The following ZNF727 variants were observed in gnomAD, a reference collection of about 807,000 sequenced individuals.
ZNF727 encodes the protein putative zinc finger protein 727.
A neutral mutation model predicts 11.5 loss-of-function variants in ZNF727; 11 were observed. The ratio of observed to expected loss-of-function variants is 0.95; its 90% confidence interval spans 0.60 to 1.58. The LOEUF is 1.58. Among genes scored for constraint, ZNF727 ranks in the 40% most tolerant of loss-of-function variants. ZNF727 has a pLI of 0.00. For synonymous variants in ZNF727, 171 were observed against 196.1 expected, an observed-to-expected ratio of 0.87 and a Z score of 1.07; for missense variants, 533 against 581.7, an observed-to-expected ratio of 0.92 and a Z score of 0.86.
At position 64,077,469 on chromosome 7, in the gene ZNF727, C is replaced by G; in HGVS notation, c.420C>G (p.Thr140=). ...GCATTCATCAATGTTTGTCAGCTACCCGTAGCAAAACCTGTCAATATAATA... is the reference window on the plus strand; with the variant it reads ...GCATTCATCAATGTTTGTCAGCTACGCGTAGCAAAACCTGTCAATATAATA... ...YNGIHQCLSA[T]RSKTCQYNKC... The change falls in exon 4 of 4, where the codon ACC becomes ACG. Residue 140 remains threonine, a synonymous_variant. Transcript: ENST00000456806. The G allele has an allele frequency of 6.4e-7, 1 of 1,551,756 alleles. No individual in the cohort carries two copies. The highest frequency in any genetic ancestry group is 8.7e-7 in the Non-Finnish European group (1 of 1,147,010).
At chr7:64,045,719 T>C in intron 1 of ZNF727, 95 bp downstream of exon 1, 1 of 1,503,168 alleles carries the variant, frequency 6.7e-7, no homozygotes, top group Non-Finnish European at 9.0e-7. Context: ...CGCGGTCAGC[T>C]CTGCAGCAGC....
chr7:64,056,588 C>G (rs970495267), intron 1 of ZNF727, among the ~76,000 whole-genome samples: 4 of 151,468 alleles, frequency 2.6e-5, no homozygotes, highest in Admixed American at 2.0e-4. Flanking sequence ...GCAGTAATAT[C>G]CTGACTTGAA....
intron 1 of ZNF727, among the ~76,000 whole-genome samples, chr7:64,052,910 T>G (rs1165649408): frequency 1.3e-5 from 2 of 151,800 alleles, no homozygotes; most frequent in Non-Finnish European, 2.9e-5. Flanking sequence ...TTGGCCAATT[T>G]CTCCCATTTG....
At position 64,045,764 on chromosome 7, in the gene ZNF727, T is replaced by C. The variant is rs1309046059; in HGVS notation, c.3+140T>C. ...CCGTGGGCACAGTTCAGTCCTCACT[T>C]CCCTCCGTCGCAGATTAGGAGCTGA... On this transcript the variant is annotated intron_variant, in intron 1 of 3. Coordinates refer to ENST00000456806, the MANE Select transcript of ZNF727 (RefSeq NM_001159522.3). The C allele has an allele frequency of 1.2e-4, 129 of 1,108,160 alleles. 2 individuals carry two copies. In the South Asian group the frequency reaches 1.8e-3, roughly 16 times the overall value. 68.6% of individuals were successfully genotyped at this position (1,108,160 alleles called of 1,614,324 possible). A position where few individuals can be genotyped will look rare whatever the true frequency, so the allele number is the denominator to read the frequency against.
intron 3 of ZNF727, among the ~76,000 whole-genome samples, chr7:64,075,831 A>C (rs770726465): frequency 1.6e-4 from 25 of 152,168 alleles, no homozygotes; most frequent in Non-Finnish European, 2.2e-4. Flanking sequence ...TTTGCAGTAC[A>C]TAATATACCA....
In ZNF727 at chr7:64,084,629, G is replaced by A. The variant is rs746928987; in HGVS notation, c.*6080G>A. On this transcript the variant is annotated 3_prime_UTR_variant, in exon 4 of 4. Coordinates refer to ENST00000456806, the MANE Select transcript of ZNF727 (RefSeq NM_001159522.3). Reference sequence around the variant, plus strand: ...TGTTTGTAATGAAGATGAGTATAATGGAGCTATATGTTTCTGAATTCTGAA... The same window carrying A: ...TGTTTGTAATGAAGATGAGTATAATAGAGCTATATGTTTCTGAATTCTGAA... 3.3e-5 allele frequency among the ~76,000 whole-genome samples: 5 copies of A among 152,076 alleles called. No homozygotes were observed. The highest frequency in any genetic ancestry group is 7.4e-5 in the Non-Finnish European group (5 of 67,994).
chr7:64,055,340 C>T (rs1052614362), intron 1 of ZNF727, among the ~76,000 whole-genome samples: 1 of 151,940 alleles, frequency 6.6e-6, no homozygotes, highest in African/African-American at 2.4e-5. Context: ...ATCACTTGAA[C>T]CCAGGAGCCA....
At position 64,080,864 on chromosome 7, in the gene ZNF727, AGTTTTTT is replaced by A. The variant is rs796543365; in HGVS notation, c.*2336_*2342del. On this transcript the variant is annotated 3_prime_UTR_variant, in exon 4 of 4. Coordinates refer to ENST00000456806, the MANE Select transcript of ZNF727 (RefSeq NM_001159522.3). ...TCAGCCAACAGGCTTTGTTCCTGGG[AGTTTTTT>A]GTTTTTTGTTTTTTGTTTTTGTTTT... Among the ~76,000 whole-genome samples the A allele has an allele frequency of 0.011, 1,590 of 149,838 alleles. 18 individuals are homozygous for A. Among genetic ancestry groups the A allele is most frequent in the African/African-American group, 0.028 (1,156 of 40,646 alleles).
intron 3 of ZNF727, 45 bp downstream of exon 3, chr7:64,069,654 A>G (rs1386544792): frequency 2.1e-6 from 3 of 1,446,304 alleles, no homozygotes; most frequent in South Asian, 2.4e-5. Context: ...GACGGTTCCC[A>G]ATGTCAAGGA....
chr7:64,069,503 T>G lies in ZNF727; in HGVS notation c.131-11T>G. 6.5e-7 allele frequency: 1 copy of G among 1,545,260 alleles called. No homozygotes were observed. The highest frequency in any genetic ancestry group is 8.8e-7 in the Non-Finnish European group (1 of 1,141,048). On this transcript the variant is annotated splice_polypyrimidine_tract_variant and intron_variant, in intron 2 of 3. Transcript: ENST00000456806. The stretch of plus-strand genomic sequence containing the variant: ...TAGCAAGAGTCATGTTATTTTTTTC[T>G]AATAAAACAGGTCTTGCTATCTTTA...
At chr7:64,048,391 C>T (rs572230489) in intron 1 of ZNF727, among the ~76,000 whole-genome samples, 1 of 152,210 alleles carries the variant, frequency 6.6e-6, no homozygotes, top group South Asian at 2.1e-4. Flanking sequence ...TGGGAAAAGA[C>T]AGAGGAAATG....
rs766205066 is a variant in ZNF727 at position 64,068,932 on chromosome 7, A to G, written c.45A>G (p.Pro15=). The G allele has an allele frequency of 9.3e-5, 150 of 1,605,234 alleles. 2 individuals carry two copies. The highest frequency in any genetic ancestry group is 1.1e-4 in the Non-Finnish European group (127 of 1,175,404). ...GGGATGTGGCTGTAGAATTCTCCCC[A>G]GAAGAGTGGGAATGCCTGGACTCTG... is the stretch of plus-strand genomic sequence containing the variant. ...TFRDVAVEFS[P]EEWECLDSAQ... Residue 15 remains proline, a synonymous_variant, in exon 2 of 4, where the codon CCA becomes CCG. Coordinates refer to ENST00000456806, the MANE Select transcript of ZNF727 (RefSeq NM_001159522.3).
At chr7:64,059,610 C>A (rs1023123417) in intron 1 of ZNF727, among the ~76,000 whole-genome samples, 12 of 152,166 alleles carry the variant, frequency 7.9e-5, no homozygotes, top group Admixed American at 2.6e-4. Context: ...TCTGCCTTTA[C>A]TTCCTGACTA....
Position 64,069,504 on chromosome 7 carries a change from A to G in ZNF727, c.131-10A>G. 1.3e-6 allele frequency: 2 copies of G among 1,546,378 alleles called. No individual in the cohort carries two copies. Among genetic ancestry groups the G allele is most frequent in the East Asian group, 2.4e-5 (1 of 41,044 alleles). ...AGCAAGAGTCATGTTATTTTTTTCT[A>G]ATAAAACAGGTCTTGCTATCTTTAA... On this transcript the variant is annotated splice_polypyrimidine_tract_variant and intron_variant, in intron 2 of 3. Transcript: ENST00000456806.
At chr7:64,061,322 T>A (rs1195037324) in intron 1 of ZNF727, among the ~76,000 whole-genome samples, 1 of 152,194 alleles carries the variant, frequency 6.6e-6, no homozygotes, top group Non-Finnish European at 1.5e-5. Context: ...TCTCTTTAGC[T>A]CTAATATTTA....
intron 2 of ZNF727, 128 bp downstream of exon 2, chr7:64,069,145 C>T: frequency 2.0e-6 from 2 of 976,212 alleles, no homozygotes; most frequent in Non-Finnish European, 2.9e-6. Context: ...AATTGGGTAT[C>T]TGTTTAGGTA....
Position 64,080,221 on chromosome 7 carries a change from A to G in ZNF727, c.*1672A>G, listed in dbSNP as rs1451421136. Among the ~76,000 whole-genome samples, 1 of 152,162 alleles carries G rather than the reference A, an allele frequency of 6.6e-6. No homozygotes were observed. Among genetic ancestry groups the G allele is most frequent in the East Asian group, 1.9e-4 (1 of 5,188 alleles). ...GCCTCTCTAGTTTGGGGAAATTCTC[A>G]TGGATGGTATCCCGAAATATGTATT... On this transcript the variant is annotated 3_prime_UTR_variant, in exon 4 of 4. Coordinates refer to ENST00000456806, the MANE Select transcript of ZNF727 (RefSeq NM_001159522.3).
intron 1 of ZNF727, among the ~76,000 whole-genome samples, chr7:64,061,297 T>C (rs1789766317): frequency 6.6e-6 from 1 of 152,196 alleles, no homozygotes; most frequent in African/African-American, 2.4e-5. Context: ...ATTATTGTAT[T>C]GGGGTTGATC....
At chr7:64,053,306 T>TTTG (rs145016368) in intron 1 of ZNF727, among the ~76,000 whole-genome samples, 2,698 of 151,842 alleles carry the variant, frequency 0.018, 156 homozygotes, top group East Asian at 0.17. Flanking sequence ...TGATAGGTTT[T>TTTG]TTGTTGTTGT....
Sources: allele counts gnomAD v4.1 joint callset (sites outside exome capture counted in the v4.1 genomes callset), GRCh38; gene constraint gnomAD v4.1.1; transcripts MANE v1.5; gene names NCBI Gene and HGNC (gene_info 2026-07-23, HGNC 2026-07-21).